The following PCDHA11 variants were observed in gnomAD, a reference collection of about 807,000 sequenced individuals.
PCDHA11 encodes the protein protocadherin alpha-11.
PCDHA11 carries 61 observed loss-of-function variants against 70.3 expected under a neutral mutation model. That is an observed-to-expected ratio of 0.87 (90% CI 0.71 to 1.07). PCDHA11 has a LOEUF of 1.07. Among genes scored for constraint, PCDHA11 ranks in the 50% least tolerant of loss-of-function variants. The pLI is 0.00. For synonymous variants in PCDHA11, 633 were observed against 555.1 expected (o/e 1.14, Z -1.97); for missense variants, 1,324 against 1,237.5 (o/e 1.07, Z -1.05).
rs1486746921 is a variant in PCDHA11 at position 141,009,728 on chromosome 5, G to A, written c.2641G>A (p.Gly881Ser). Residue 881 changes from glycine (G) to serine (S), a missense_variant, in exon 4 of 4, where the codon GGT becomes AGT. Gly to Ser is a moderately conservative substitution (Grantham distance 56). Coordinates refer to ENST00000398640, the MANE Select transcript of PCDHA11 (RefSeq NM_018902.5). The part of the protein sequence containing the change: ...GPGNPKQSGP[G>S]ELPDKFIIPG... ...AGGCAACCCCAAACAATCCGGTCCC[G>A]GTGAGTTGCCCGACAAATTCATTAT... The A allele has an allele frequency of 3.1e-6, 5 of 1,613,998 alleles. No homozygotes were observed. The highest frequency in any genetic ancestry group is 2.2e-5 in the East Asian group (1 of 44,874).
At chr5:140,884,536 G>A in intron 1 of PCDHA11, 11 of 1,614,090 alleles carry the variant, frequency 6.8e-6, no homozygotes, top group African/African-American at 1.3e-5. Context: ...AGAGGCGGCC[G>A]AGGGTGTGCT....
chr5:140,978,044 G>A (rs1205342779), intron 1 of PCDHA11, among the ~76,000 whole-genome samples: 1 of 152,140 alleles, frequency 6.6e-6, no homozygotes, highest in Non-Finnish European at 1.5e-5. Flanking sequence ...GACAGTGATG[G>A]TGACTGATGA....
At chr5:140,918,667 G>A (rs2078804677) in intron 1 of PCDHA11, among the ~76,000 whole-genome samples, 1 of 152,172 alleles carries the variant, frequency 6.6e-6, no homozygotes, top group African/African-American at 2.4e-5. Flanking sequence ...TTGATGGTAT[G>A]AAGAGGTGAG....
At chr5:140,980,076 G>A (rs2096875671) in intron 2 of PCDHA11, among the ~76,000 whole-genome samples, 1 of 152,214 alleles carries the variant, frequency 6.6e-6, no homozygotes, top group South Asian at 2.1e-4. Flanking sequence ...AAGGGCTGAA[G>A]ATTAGTAGTT....
chr5:140,884,555 G>C, intron 1 of PCDHA11: 1 of 1,614,098 alleles, frequency 6.2e-7, no homozygotes, highest in Non-Finnish European at 8.5e-7. Context: ...CTCTGGGGAG[G>C]GCCCGCATAA....
intron 1 of PCDHA11, chr5:140,883,600 G>A (rs2059695358): frequency 6.2e-7 from 1 of 1,613,890 alleles, no homozygotes; most frequent in Non-Finnish European, 8.5e-7. Flanking sequence ...TGTCGGTGGG[G>A]GTGGCCGACG....
chr5:140,937,343 A>G (rs1412775724), intron 1 of PCDHA11, among the ~76,000 whole-genome samples: 1 of 151,948 alleles, frequency 6.6e-6, no homozygotes, highest in Non-Finnish European at 1.5e-5. Context: ...GGCTTCTTCC[A>G]TTTATTTTAT....
intron 3 of PCDHA11, among the ~76,000 whole-genome samples, chr5:141,000,417 A>ATT (rs1563652061): frequency 3.2e-4 from 25 of 77,724 alleles, no homozygotes; most frequent in African/African-American, 1.1e-3. Context: ...ATATATATAT[A>ATT]TATATTTTTT....
chr5:140,994,142 G>C (rs550428204), intron 3 of PCDHA11, among the ~76,000 whole-genome samples: 8 of 152,180 alleles, frequency 5.3e-5, no homozygotes, highest in Admixed American at 4.6e-4. Context: ...AATGCCCTAC[G>C]TAGGTAGGGT....
In PCDHA11 at chr5:140,887,671, A is replaced by G. The variant is rs1417615702; in HGVS notation, c.2391+16177A>G. Among the ~76,000 whole-genome samples, 4 of 152,008 alleles carry G rather than the reference A, an allele frequency of 2.6e-5. No homozygotes were observed. In the East Asian group the frequency reaches 7.7e-4, roughly 29 times the overall value. The stretch of plus-strand genomic sequence containing the variant: ...ATATTCTTGGATCTGTGGATTTATC[A>G]TTTTCATCAAATTCAGGAAAAAATC... On this transcript the variant is annotated intron_variant, in intron 1 of 3. Transcript: ENST00000398640.
At chr5:140,994,248 G>A (rs188394827) in intron 3 of PCDHA11, among the ~76,000 whole-genome samples, 1 of 152,238 alleles carries the variant, frequency 6.6e-6, no homozygotes, top group East Asian at 1.9e-4. Flanking sequence ...TCAAACCCTA[G>A]GTAAATAAGG....
At chr5:140,881,638 A>G (rs1237929257) in intron 1 of PCDHA11, among the ~76,000 whole-genome samples, 1 of 152,214 alleles carries the variant, frequency 6.6e-6, no homozygotes, top group Non-Finnish European at 1.5e-5. Context: ...TCAGTTACCA[A>G]TATTTTTCAC....
At chr5:140,966,677 A>C in intron 1 of PCDHA11, 1 of 1,313,088 alleles carries the variant, frequency 7.6e-7, no homozygotes, top group Non-Finnish European at 9.8e-7. Flanking sequence ...GCAGGGTGGC[A>C]CGAGCGGAGG....
chr5:140,958,915 G>T (rs1162016056), intron 1 of PCDHA11, among the ~76,000 whole-genome samples: 13 of 150,674 alleles, frequency 8.6e-5, no homozygotes, highest in Non-Finnish European at 1.8e-4. Flanking sequence ...AAGTCTGCCT[G>T]GGTGTGGTGG....
intron 1 of PCDHA11, among the ~76,000 whole-genome samples, chr5:140,923,218 TCG>T (rs1584297306): frequency 7.4e-6 from 1 of 135,282 alleles, no homozygotes; most frequent in Non-Finnish European, 1.7e-5. Flanking sequence ...GGTGAAAGGA[TCG>T]TTTGAGCCCA....
chr5:140,928,902 C>T, intron 1 of PCDHA11: 1 of 1,614,164 alleles, frequency 6.2e-7, no homozygotes, highest in Non-Finnish European at 8.5e-7. Flanking sequence ...TTGAAGATGT[C>T]TGGGAACCAG....
In PCDHA11 at chr5:140,886,699, G is replaced by A. The variant is rs540537249; in HGVS notation, c.2391+15205G>A. Among the ~76,000 whole-genome samples the A allele has an allele frequency of 7.8e-4, 119 of 151,966 alleles. 1 individual carries two copies. In the East Asian group the frequency reaches 0.01, roughly 13 times the overall value. ...AAATTAGCGAGGCATGGTGGCACGC[G>A]CCTGTAATCCCAGCTACTTGGGAGG... On this transcript the variant is annotated intron_variant, in intron 1 of 3. Transcript: ENST00000398640.
chr5:140,926,170 C>T lies in PCDHA11; in HGVS notation c.2392-52779C>T, dbSNP rs558750358. 2.6e-5 allele frequency among the ~76,000 whole-genome samples: 4 copies of T among 151,860 alleles called. No homozygotes were observed. In the South Asian group the frequency reaches 6.6e-4, roughly 25 times the overall value. On this transcript the variant is annotated intron_variant, in intron 1 of 3. Coordinates refer to ENST00000398640, the MANE Select transcript of PCDHA11 (RefSeq NM_018902.5). ...CGGAAAGCTCTGCAGCAGGATCCAG[C>T]GCGGAAAGCCCCCCGCAGCACTTCT...
At chr5:140,925,526 CGAG>C (rs2082539432) in intron 1 of PCDHA11, among the ~76,000 whole-genome samples, 1 of 151,910 alleles carries the variant, frequency 6.6e-6, no homozygotes, top group South Asian at 2.1e-4. Flanking sequence ...AAATTAAAAG[CGAG>C]GAGAAATACC....
Sources: gnomAD v4.1 joint callset for allele counts (sites outside exome capture counted in the v4.1 genomes callset) on GRCh38, gnomAD v4.1.1 for gene constraint, MANE v1.5 for transcripts, NCBI Gene and HGNC (gene_info 2026-07-23, HGNC 2026-07-21) for gene names.